Variants in CFAP77 observed in about 807,000 individuals in gnomAD.
The protein encoded by CFAP77 is cilia- and flagella-associated protein 77.
Under a neutral mutation model 31.1 loss-of-function variants are expected in CFAP77, and 25 were observed. The ratio of observed to expected loss-of-function variants is 0.80; its 90% CI spans 0.59 to 1.12. The LOEUF (loss-of-function observed/expected upper bound fraction) is 1.12. Ranked by LOEUF, CFAP77 falls within the 50% of genes most tolerant of loss-of-function variation. The probability of loss-of-function intolerance (pLI) is 0.00; values close to 1 mark genes in which losing one functional copy is unlikely to be tolerated. For synonymous variants in CFAP77, 151 were observed against 159.9 expected (o/e 0.94, Z 0.42); for missense variants, 377 against 397.3 (o/e 0.95, Z 0.44).
intron 5 of CFAP77, among the ~76,000 whole-genome samples, chr9:132,562,202 C>A (rs945713024): frequency 6.6e-6 from 1 of 152,210 alleles, no homozygotes; most frequent in Non-Finnish European, 1.5e-5. Context: ...CTGTGTGTGG[C>A]ACGAGGAGGC....
intron 1 of CFAP77, among the ~76,000 whole-genome samples, chr9:132,449,898 T>TTTGTTTG (rs1554737767): frequency 1.2e-3 from 106 of 88,874 alleles, no homozygotes; most frequent in South Asian, 2.1e-3. Flanking sequence ...TTAAGAGTTT[T>TTTGTTTG]TTTGTTTGTT....
chr9:132,411,067 C>G (rs1408078538), intron 1 of CFAP77, among the ~76,000 whole-genome samples: 1 of 152,226 alleles, frequency 6.6e-6, no homozygotes, highest in African/African-American at 2.4e-5. Flanking sequence ...GCTGCGGTTT[C>G]GGGCTGGATC....
intron 1 of CFAP77, among the ~76,000 whole-genome samples, chr9:132,427,866 A>G (rs779340091): frequency 6.6e-6 from 1 of 152,170 alleles, no homozygotes; most frequent in Admixed American, 6.5e-5. Flanking sequence ...CAATGACCCT[A>G]TTACCAAATG....
At position 132,497,519 on chromosome 9, in the gene CFAP77, C is replaced by T. The variant is rs787900; in HGVS notation, c.196-1176C>T. 0.2 allele frequency among the ~76,000 whole-genome samples: 30,720 copies of T among 152,132 alleles called. 3,821 individuals carry two copies. Among genetic ancestry groups the T allele is most frequent in the African/African-American group, 0.35 (14,346 of 41,484 alleles). On this transcript the variant is annotated intron_variant, in intron 1 of 5. Coordinates refer to ENST00000393216, the MANE Select transcript of CFAP77 (RefSeq NM_001282957.2). This position sits in a 1 kb window ranked among gnomAD's most constrained non-coding sequence, Gnocchi z 4.9. ...CACCCACCCTTCTCAGTAATGGCCCCGGGGCCTGCTGGCACCAGGGAGCCA... is the reference window on the plus strand; with the variant it reads ...CACCCACCCTTCTCAGTAATGGCCCTGGGGCCTGCTGGCACCAGGGAGCCA...
At chr9:132,425,310 G>A (rs1850294417) in intron 1 of CFAP77, among the ~76,000 whole-genome samples, 1 of 152,052 alleles carries the variant, frequency 6.6e-6, no homozygotes, top group Admixed American at 6.6e-5. Context: ...GAGCAGAAGG[G>A]CCCGATTCCC....
At chr9:132,531,447 C>G (rs1297189451) in intron 3 of CFAP77, among the ~76,000 whole-genome samples, 1 of 152,180 alleles carries the variant, frequency 6.6e-6, no homozygotes, top group Non-Finnish European at 1.5e-5. Context: ...GGCCTCACTA[C>G]TGGGACCCGA....
chr9:132,433,282 C>T (rs1290005254), intron 1 of CFAP77, among the ~76,000 whole-genome samples: 1 of 152,186 alleles, frequency 6.6e-6, no homozygotes, highest in Non-Finnish European at 1.5e-5. Context: ...TGAGAAATGG[C>T]ACTTGCTCTG....
chr9:132,544,373 C>A (rs1852699092), intron 5 of CFAP77, among the ~76,000 whole-genome samples: 1 of 152,198 alleles, frequency 6.6e-6, no homozygotes, highest in Non-Finnish European at 1.5e-5. Flanking sequence ...TCATCTCTAG[C>A]TTCTCTACCT....
intron 1 of CFAP77, among the ~76,000 whole-genome samples, chr9:132,445,563 G>A (rs995049404): frequency 2.0e-5 from 3 of 152,080 alleles, no homozygotes; most frequent in African/African-American, 7.2e-5. Flanking sequence ...CAGGTTATTG[G>A]CTTTTGAAAA....
Position 132,438,539 on chromosome 9 carries a change from A to ATTTTT in CFAP77, c.195+28074_195+28075insTTTTT, listed in dbSNP as rs1165427680. 5.6e-3 allele frequency among the ~76,000 whole-genome samples: 642 copies of ATTTTT among 115,326 alleles called. 2 individuals carry two copies. The highest frequency in any genetic ancestry group is 8.7e-3 in the South Asian group (32 of 3,668). 75.7% of individuals were successfully genotyped at this position (115,326 alleles called of 152,430 possible). ...ATATGGTATATATATATATATATAT[A>ATTTTT]TATTTTTTTTTTTTTTTTTAGACAG... On this transcript the variant is annotated intron_variant, in intron 1 of 5. Coordinates refer to ENST00000393216, the MANE Select transcript of CFAP77 (RefSeq NM_001282957.2).
Position 132,570,612 on chromosome 9 carries a change from G to A in CFAP77, c.733-1776G>A, listed in dbSNP as rs543094922. ...TTGTGGGCATTTTTTTTTCCCAGAG[G>A]AAAAGGGCCCATGGCTTTCCAAAGA... On this transcript the variant is annotated intron_variant, in intron 5 of 5. Transcript: ENST00000393216. Among the ~76,000 whole-genome samples the A allele has an allele frequency of 3.9e-5, 6 of 152,234 alleles. No homozygotes were observed. In the South Asian group the frequency reaches 1.0e-3, roughly 26 times the overall value.
chr9:132,549,937 A>G (rs1204310060), intron 5 of CFAP77, among the ~76,000 whole-genome samples: 1 of 152,244 alleles, frequency 6.6e-6, no homozygotes, highest in African/African-American at 2.4e-5. Flanking sequence ...GTGAGGTGAC[A>G]TTGCTGCTCA....
At chr9:132,558,829 G>A (rs747343110) in intron 5 of CFAP77, among the ~76,000 whole-genome samples, 2 of 115,300 alleles carry the variant, frequency 1.7e-5, no homozygotes, top group Non-Finnish European at 3.6e-5. Context: ...CCTGACCAAC[G>A]TGGTTGAAAC....
At chr9:132,563,039 A>G (rs1829839911) in intron 5 of CFAP77, among the ~76,000 whole-genome samples, 1 of 151,424 alleles carries the variant, frequency 6.6e-6, no homozygotes, top group Non-Finnish European at 1.5e-5. Flanking sequence ...TTGTTTTTAG[A>G]GACAGCACCT....
chr9:132,531,933 A>T (rs1043941681), intron 3 of CFAP77, among the ~76,000 whole-genome samples: 1 of 152,138 alleles, frequency 6.6e-6, no homozygotes, highest in Admixed American at 6.6e-5. Context: ...GTGGCGATGG[A>T]TGTACCGGGG....
chr9:132,499,284 C>A lies in CFAP77; in HGVS notation c.296-88C>A. The A allele has an allele frequency of 8.4e-7, 1 of 1,185,140 alleles. No individual in the cohort carries two copies. The highest frequency in any genetic ancestry group is 1.2e-6 in the Non-Finnish European group (1 of 821,598). 73.4% of individuals were successfully genotyped at this position (1,185,140 alleles called of 1,614,324 possible). Reference sequence around the variant, plus strand: ...CAGGTAAATGGGAAGGCCGAGGACCCGCGTGCCCCCATTTCTTCTCGATCA... The same window carrying A: ...CAGGTAAATGGGAAGGCCGAGGACCAGCGTGCCCCCATTTCTTCTCGATCA... On this transcript the variant is annotated intron_variant, in intron 2 of 5. Transcript: ENST00000393216. The surrounding 1 kb of genome is among the most constrained non-coding windows in gnomAD (Gnocchi z 5.4).
intron 3 of CFAP77, among the ~76,000 whole-genome samples, chr9:132,519,779 GATGGATGGATGGATGGATGGATGAA>G (rs1852234028): frequency 7.0e-6 from 1 of 143,528 alleles, no homozygotes; most frequent in African/African-American, 2.7e-5. Context: ...TGGGTGGATA[GATGGATGGATGGATGGATGGATGAA>G]TGGGTGGGTG....
rs887221967 is a variant in CFAP77 at position 132,450,121 on chromosome 9, G to A, written c.195+39655G>A. ...AATTTTTTGTATTTTTAGTAGAGAC[G>A]GGGTTTCATCGTGGTAGCCAGGATG... On this transcript the variant is annotated intron_variant, in intron 1 of 5. Transcript: ENST00000393216. Among the ~76,000 whole-genome samples the A allele has an allele frequency of 5.3e-5, 8 of 151,994 alleles. No homozygotes were observed. In the East Asian group the frequency reaches 1.4e-3, roughly 26 times the overall value.
chr9:132,438,541 A>ATATATATATATATATATTTTTT, intron 1 of CFAP77, among the ~76,000 whole-genome samples: 19 of 108,118 alleles, frequency 1.8e-4, no homozygotes, highest in African/African-American at 7.7e-4. Context: ...ATATATATAT[A>ATATATATATATATATATTTTTT]TTTTTTTTTT....
Sources: allele counts gnomAD v4.1 joint callset (sites outside exome capture counted in the v4.1 genomes callset), GRCh38; gene constraint gnomAD v4.1.1; non-coding constraint Gnocchi (gnomAD v3.1); transcripts MANE v1.5; gene names NCBI Gene and HGNC (gene_info 2026-07-23, HGNC 2026-07-21).